TTC22: variants seen among roughly 807,000 people sequenced by gnomAD.
TTC22 encodes the protein tetratricopeptide repeat domain 22, also known as tetratricopeptide repeat protein 22.
TTC22 carries 42 observed loss-of-function variants against 48.2 expected under a neutral mutation model. The observed-to-expected ratio is 0.87, with a 90% confidence interval of 0.68 to 1.13. The LOEUF (loss-of-function observed/expected upper bound fraction) is 1.13. Among genes scored for constraint, TTC22 ranks in the 50% most tolerant of loss-of-function variants. The pLI is 0.00. For synonymous variants in TTC22, 345 were observed against 365.5 expected (o/e 0.94, Z 0.64); for missense variants, 784 against 807.0 (o/e 0.97, Z 0.34).
intron 1 of TTC22, among the ~76,000 whole-genome samples, chr1:54,790,792 T>A (rs1036439559): frequency 6.6e-5 from 10 of 151,462 alleles, no homozygotes; most frequent in Admixed American, 2.0e-4. Context: ...TGCTGCTGCT[T>A]CTTTCTTCTT....
chr1:54,785,060 A>G, intron 5 of TTC22: 2 of 192,824 alleles, frequency 1.0e-5, no homozygotes. Flanking sequence ...ATCTAATGTA[A>G]TTCTCATAAC....
chr1:54,799,112 G>T (rs1477822007), intron 1 of TTC22, among the ~76,000 whole-genome samples: 1 of 152,144 alleles, frequency 6.6e-6, no homozygotes, highest in Non-Finnish European at 1.5e-5. Context: ...TTGTGTAGGG[G>T]GCTGACCACA....
rs1646306176 is a variant in TTC22, at chr1:54,786,966, G to A, written c.849C>T (p.Cys283=). The A allele has an allele frequency of 1.3e-6, 2 of 1,516,556 alleles. No individual in the cohort carries two copies. The highest frequency in any genetic ancestry group is 1.8e-6 in the Non-Finnish European group (2 of 1,127,438). The allele number at this position is 1,516,556 out of a possible 1,614,324, so 93.9% of individuals were successfully genotyped here. The change falls in exon 4 of 7, where the codon TGC becomes TGT. Residue 283 remains cysteine (C), a synonymous_variant. Coordinates refer to ENST00000371276, the MANE Select transcript of TTC22 (RefSeq NM_001114108.2). ...GGCTGGGGGCAAGTACCTTGCCGAA[G>A]CAGTCTAGAGGGTCGGTCCCTGAGT... The part of the protein sequence containing the change: ...CGYSGTDPLD[C]FGKAIEIAKN...
rs1401851432 is a variant in TTC22, at chr1:54,780,918, G to T, written c.*325C>A. ...AGAAAACTGCCACACTGAGGTAGCTGTCTTCTGTTTCTCTCAGAAGCCTCA... is the reference window on the plus strand; with the variant it reads ...AGAAAACTGCCACACTGAGGTAGCTTTCTTCTGTTTCTCTCAGAAGCCTCA... On this transcript the variant is annotated 3_prime_UTR_variant, in exon 7 of 7. Coordinates refer to ENST00000371276, the MANE Select transcript of TTC22 (RefSeq NM_001114108.2). 1 of 231,076 alleles carries T rather than the reference G, an allele frequency of 4.3e-6. No homozygotes were observed. The highest frequency in any genetic ancestry group is 8.4e-6 in the Non-Finnish European group (1 of 119,560). The allele number at this position is 231,076 out of a possible 1,614,324, so 14.3% of individuals were successfully genotyped here.
intron 1 of TTC22, among the ~76,000 whole-genome samples, chr1:54,797,784 GTTA>G (rs1646404125): frequency 6.6e-6 from 1 of 152,190 alleles, no homozygotes; most frequent in Admixed American, 6.5e-5. Context: ...TATTATTATT[GTTA>G]TTATTTTGTA....
At chr1:54,781,903 A>T in intron 6 of TTC22, 124 bp from the exon 7 acceptor site, 2 of 910,146 alleles carry the variant, frequency 2.2e-6, no homozygotes, top group Non-Finnish European at 1.5e-6. Context: ...CTCCATCGAC[A>T]ATTATTAATC....
intron 5 of TTC22, chr1:54,785,617 G>C (rs1272794209): frequency 1.6e-5 from 7 of 439,398 alleles, no homozygotes; most frequent in African/African-American, 1.4e-4. Context: ...TTTGAGACGA[G>C]TCTGGGCAAC....
chr1:54,784,266 TA>T (rs1388438898), intron 5 of TTC22, among the ~76,000 whole-genome samples: 2 of 152,182 alleles, frequency 1.3e-5, no homozygotes, highest in Non-Finnish European at 2.9e-5. Context: ...TTTACACAGA[TA>T]ATGTGAGTTC....
chr1:54,787,099 G>A (rs1646310295), intron 3 of TTC22, 24 bp from the exon 4 acceptor site: 2 of 1,335,986 alleles, frequency 1.5e-6, no homozygotes, highest in Admixed American at 2.5e-5. Context: ...GTGGGAGAGG[G>A]TCTCTAGGAA....
Position 54,782,441 on chromosome 1 carries a change from C to G in TTC22, c.1057G>C (p.Ala353Pro). Residue 353 changes from alanine (A) to proline (P), a missense_variant, in exon 6 of 7, where the codon GCC becomes CCC. Coordinates refer to ENST00000371276, the MANE Select transcript of TTC22 (RefSeq NM_001114108.2). ...IRAYLHDLKR[A>P]KMGLGGMPDR... is the part of the protein sequence containing the mutation. ...GGCATGCCCCCGAGACCCATCTTGG[C>G]CCGCTTGAGGTCATGCAGGTAGGCT... 2 of 1,551,230 alleles carry G rather than the reference C, an allele frequency of 1.3e-6. No individual in the cohort carries two copies.
In TTC22 at chr1:54,781,301, A is replaced by C. The variant is rs1212080845; in HGVS notation, c.1652T>G (p.Met551Arg). Reference protein sequence around the residue: ...PALVRLLFETMEREGEGASAP... With the variant: ...PALVRLLFETREREGEGASAP... The stretch of plus-strand genomic sequence containing the variant: ...GCTGGCGCCCTCGCCCTCGCGCTCC[A>C]TGGTCTCGAAGAGCAGCCGCACCAG... Residue 551 changes from methionine to arginine, a missense_variant, in exon 7 of 7, where the codon ATG (methionine) becomes AGG (arginine). Coordinates refer to ENST00000371276, the MANE Select transcript of TTC22 (RefSeq NM_001114108.2). 6.8e-7 allele frequency: 1 copy of C among 1,473,192 alleles called. No homozygotes were observed. The highest frequency in any genetic ancestry group is 3.0e-5 in the East Asian group (1 of 33,794). 91.3% of individuals were successfully genotyped at this position (1,473,192 alleles called of 1,614,324 possible).
intron 1 of TTC22, among the ~76,000 whole-genome samples, chr1:54,793,361 C>T (rs748067408): frequency 2.2e-4 from 34 of 152,154 alleles, no homozygotes; most frequent in Non-Finnish European, 2.9e-4. Context: ...GAGGCCCTTG[C>T]TATTACTTTC....
chr1:54,799,505 G>A (rs1570122753), intron 1 of TTC22, among the ~76,000 whole-genome samples: 1 of 152,314 alleles, frequency 6.6e-6, no homozygotes, highest in East Asian at 1.9e-4. Context: ...GGGTAGTGTT[G>A]CAGCTGAGAC....
At chr1:54,791,839 G>T (rs894824777) in intron 1 of TTC22, among the ~76,000 whole-genome samples, 2 of 151,898 alleles carry the variant, frequency 1.3e-5, no homozygotes, top group African/African-American at 2.4e-5. Flanking sequence ...GATAGAGCTG[G>T]GGCTTAGATT....
chr1:54,797,389 G>C lies in TTC22; in HGVS notation c.567+3208C>G, dbSNP rs114091581. On this transcript the variant is annotated intron_variant, in intron 1 of 6. Coordinates refer to ENST00000371276, the MANE Select transcript of TTC22 (RefSeq NM_001114108.2). ...TTAAGAAAGAGAAATGTGGCTGGGC[G>C]CGGTGGCTCAGCACTTTGGGAGGCC... Among the ~76,000 whole-genome samples the C allele has an allele frequency of 0.01, 1,549 of 152,248 alleles. 61 individuals are homozygous for C. The East Asian group carries it at 0.13, about 12-fold the overall frequency.
chr1:54,786,512 AG>A (rs1349155661), intron 4 of TTC22: 8 of 258,866 alleles, frequency 3.1e-5, no homozygotes, highest in African/African-American at 1.8e-4. Flanking sequence ...TACAAAGTAC[AG>A]GGTTTCTACC....
In TTC22 at chr1:54,786,420, C is replaced by G. The variant is rs895295181; in HGVS notation, c.859-276G>C. 5.2e-5 allele frequency: 20 copies of G among 381,886 alleles called. 1 individual carries two copies. Among genetic ancestry groups the G allele is most frequent in the African/African-American group, 3.8e-4 (18 of 47,866 alleles). The allele number at this position is 381,886 out of a possible 1,614,324, so 23.7% of individuals were successfully genotyped here. ...TAAAGCCTTCCAGAGCCCAGTCAGA[C>G]CCCTCCTTCCCAGTGTATGCTCTCC... On this transcript the variant is annotated intron_variant, in intron 4 of 6. Transcript: ENST00000371276.
At chr1:54,799,356 C>T (rs1265230380) in intron 1 of TTC22, among the ~76,000 whole-genome samples, 3 of 152,230 alleles carry the variant, frequency 2.0e-5, no homozygotes, top group East Asian at 1.9e-4. Context: ...CTTTCCTGCT[C>T]ACCTCCTCCA....
At chr1:54,791,870 C>T (rs1013327255) in intron 1 of TTC22, among the ~76,000 whole-genome samples, 79 of 152,210 alleles carry the variant, frequency 5.2e-4, no homozygotes, top group African/African-American at 1.7e-3. Flanking sequence ...TGATCCTATT[C>T]CCAAGCCTTG....
Sources: gnomAD v4.1 joint callset for allele counts (sites outside exome capture counted in the v4.1 genomes callset) on GRCh38, gnomAD v4.1.1 for gene constraint, MANE v1.5 for transcripts, NCBI Gene and HGNC (gene_info 2026-07-23, HGNC 2026-07-21) for gene names.